The following OLIG2 variants were observed in gnomAD, a reference collection of about 807,000 sequenced individuals.
The protein encoded by OLIG2 is basic domain, helix-loop-helix protein, class B, 1.
OLIG2 carries 12 observed loss-of-function variants against 13.4 expected under a neutral mutation model. The ratio of observed to expected loss-of-function variants is 0.90; its 90% CI spans 0.58 to 1.46. The LOEUF is 1.46. Among genes scored for constraint, OLIG2 ranks in the 40% most tolerant of loss-of-function variants. The pLI is 0.00. For missense variants in OLIG2, 415 were observed against 487.9 expected (o/e 0.85, Z 1.41); for synonymous variants, 250 against 233.6 (o/e 1.07, Z -0.64).
rs751810483 is a variant in OLIG2, at chr21:33,026,957, G to C, written c.95G>C (p.Ser32Thr). 1 of 1,612,478 alleles carries C rather than the reference G, an allele frequency of 6.2e-7. No homozygotes were observed. Among genetic ancestry groups the C allele is most frequent in the Admixed American group, 1.7e-5 (1 of 59,976 alleles). The part of the protein sequence containing the change: ...LPARSKGSSG[S>T]AFTGGTVSSS... The stretch of plus-strand genomic sequence containing the variant: ...GCCCGGAGTAAGGGCAGCAGCGGCA[G>C]CGCCTTCACTGGGGGCACCGTGTCC... The change falls in exon 2 of 2, where the codon AGC becomes ACC. Residue 32 changes from serine to threonine, a missense_variant. Ser to Thr is a moderately conservative substitution (Grantham distance 58). Transcript: ENST00000382357. The surrounding 1 kb of genome is among the most constrained non-coding windows in gnomAD (Gnocchi z 6.6).
Position 33,027,459 on chromosome 21 carries a change from C to G in OLIG2, c.597C>G (p.Pro199=). ...CGGLAHSAPL[P]AATAHPAAAA... ...GCCTGGCGCACTCCGCGCCCCTGCCCGCCGCCACCGCGCACCCGGCAGCAG... is the reference window on the plus strand; with the variant it reads ...GCCTGGCGCACTCCGCGCCCCTGCCGGCCGCCACCGCGCACCCGGCAGCAG... The change falls in exon 2 of 2, where the codon CCC becomes CCG. Residue 199 remains proline (P), a synonymous_variant. Coordinates refer to ENST00000382357, the MANE Select transcript of OLIG2 (RefSeq NM_005806.4). 1 of 1,489,938 alleles carries G rather than the reference C, an allele frequency of 6.7e-7. No homozygotes were observed. Among genetic ancestry groups the G allele is most frequent in the Non-Finnish European group, 8.9e-7 (1 of 1,128,838 alleles). 92.3% of individuals were successfully genotyped at this position (1,489,938 alleles called of 1,614,324 possible). A position where few individuals can be genotyped will look rare whatever the true frequency, so the allele number is the denominator to read the frequency against.
Position 33,027,686 on chromosome 21 carries a change from G to C in OLIG2, c.824G>C (p.Gly275Ala). ...SAAAAAPLGG[G>A]GGGSGASGGF... ...GCCGCGGCCGCCCCGCTGGGGGGCG[G>C]GGGCGGCGGCAGTGGGGCGAGCGGG... Residue 275 changes from glycine to alanine, a missense_variant, in exon 2 of 2, where the codon GGG (glycine) becomes GCG (alanine). Gly to Ala is a moderately conservative substitution (Grantham distance 60). Transcript: ENST00000382357. 1 of 1,372,100 alleles carries C rather than the reference G, an allele frequency of 7.3e-7. No homozygotes were observed. The highest frequency in any genetic ancestry group is 3.1e-5 in the East Asian group (1 of 32,418). 85.0% of individuals were successfully genotyped at this position (1,372,100 alleles called of 1,614,324 possible). A position where few individuals can be genotyped will look rare whatever the true frequency, so the allele number is the denominator to read the frequency against.
rs1981210867 is a variant in OLIG2 at position 33,028,870 on chromosome 21, G to C, written c.*1036G>C. The C allele has an allele frequency of 1.2e-5, 3 of 242,530 alleles. No individual in the cohort carries two copies. The East Asian group carries it at 1.9e-4, about 15-fold the overall frequency. 15.0% of individuals were successfully genotyped at this position (242,530 alleles called of 1,614,324 possible). A position where few individuals can be genotyped will look rare whatever the true frequency, so the allele number is the denominator to read the frequency against. ...GTAAGTGCGCAATGCTAAGCTGTTTGCTCACGTGACTGCCAGCCCCATCGG... is the reference window on the plus strand; with the variant it reads ...GTAAGTGCGCAATGCTAAGCTGTTTCCTCACGTGACTGCCAGCCCCATCGG... On this transcript the variant is annotated 3_prime_UTR_variant, in exon 2 of 2. Transcript: ENST00000382357.
chr21:33,027,712 G>A lies in OLIG2; in HGVS notation c.850G>A (p.Gly284Ser). The A allele has an allele frequency of 2.2e-6, 3 of 1,367,648 alleles. No homozygotes were observed. Among genetic ancestry groups the A allele is most frequent in the Non-Finnish European group, 2.8e-6 (3 of 1,069,104 alleles). The allele number at this position is 1,367,648 out of a possible 1,614,324, so 84.7% of individuals were successfully genotyped here. A position where few individuals can be genotyped will look rare whatever the true frequency, so the allele number is the denominator to read the frequency against. ...GGGGGSGASG[G>S]FQHWGGMPCP... is the part of the protein sequence containing the mutation. Reference sequence around the variant, plus strand: ...GGGCGGCGGCAGTGGGGCGAGCGGGGGCTTCCAGCACTGGGGCGGCATGCC... The same window carrying A: ...GGGCGGCGGCAGTGGGGCGAGCGGGAGCTTCCAGCACTGGGGCGGCATGCC... Residue 284 changes from glycine (G) to serine (S), a missense_variant, in exon 2 of 2, where the codon GGC (glycine) becomes AGC (serine). By Grantham distance (56) the Gly-to-Ser change is moderately conservative. Transcript: ENST00000382357.
In OLIG2 at chr21:33,026,714, G is replaced by C; in HGVS notation, c.-62-87G>C. The C allele has an allele frequency of 1.9e-6, 2 of 1,054,794 alleles. No homozygotes were observed. The highest frequency in any genetic ancestry group is 2.7e-6 in the Non-Finnish European group (2 of 748,656). The allele number at this position is 1,054,794 out of a possible 1,614,324, so 65.3% of individuals were successfully genotyped here. A position where few individuals can be genotyped will look rare whatever the true frequency, so the allele number is the denominator to read the frequency against. On this transcript the variant is annotated intron_variant, in intron 1 of 1. Transcript: ENST00000382357. The surrounding 1 kb of genome is among the most constrained non-coding windows in gnomAD (Gnocchi z 6.6). ...TGGTACTGCGGTGCAGGCGGGAGCA[G>C]CTTTTCTGTCTCTCACTGACTCACT... is the stretch of plus-strand genomic sequence containing the variant.
rs966205996 is a variant in OLIG2 at position 33,027,768 on chromosome 21, G to C, written c.906G>C (p.Pro302=). Residue 302 remains proline (P), a synonymous_variant, in exon 2 of 2, where the codon CCG becomes CCC. Transcript: ENST00000382357. ...PCPCSMCQVP[P]PHHHVSAMGA... ...CCTGCAGCATGTGCCAGGTGCCGCCGCCGCACCACCACGTGTCGGCTATGG... is the reference window on the plus strand; with the variant it reads ...CCTGCAGCATGTGCCAGGTGCCGCCCCCGCACCACCACGTGTCGGCTATGG... The C allele has an allele frequency of 1.7e-5, 24 of 1,417,866 alleles. No individual in the cohort carries two copies. The highest frequency in any genetic ancestry group is 2.1e-5 in the Non-Finnish European group (23 of 1,091,584). The allele number at this position is 1,417,866 out of a possible 1,614,324, so 87.8% of individuals were successfully genotyped here.
Position 33,027,730 on chromosome 21 carries a change from G to A in OLIG2, c.868G>A (p.Gly290Ser). 2 of 1,369,536 alleles carry A rather than the reference G, an allele frequency of 1.5e-6. No individual in the cohort carries two copies. The highest frequency in any genetic ancestry group is 1.9e-6 in the Non-Finnish European group (2 of 1,068,902). The allele number at this position is 1,369,536 out of a possible 1,614,324, so 84.8% of individuals were successfully genotyped here. ...GASGGFQHWG[G>S]MPCPCSMCQV... ...GAGCGGGGGCTTCCAGCACTGGGGC[G>A]GCATGCCCTGCCCCTGCAGCATGTG... is the stretch of plus-strand genomic sequence containing the variant. Residue 290 changes from glycine (G) to serine (S), a missense_variant, in exon 2 of 2, where the codon GGC becomes AGC. This residue lies in a region of OLIG2 where 243 missense variants were observed against 241.2 expected (regional missense o/e 1.01). Coordinates refer to ENST00000382357, the MANE Select transcript of OLIG2 (RefSeq NM_005806.4).
Position 33,027,294 on chromosome 21 carries a change from C to G in OLIG2, c.432C>G (p.Arg144=). 4 of 1,605,704 alleles carry G rather than the reference C, an allele frequency of 2.5e-6. No homozygotes were observed. The highest frequency in any genetic ancestry group is 3.4e-6 in the Non-Finnish European group (4 of 1,176,500). Reference sequence around the variant, plus strand: ...CGTACGCACACGGCCCTTCGGTGCGCAAGCTTTCCAAGATCGCCACGCTGC... The same window carrying G: ...CGTACGCACACGGCCCTTCGGTGCGGAAGCTTTCCAAGATCGCCACGCTGC... ...VMPYAHGPSV[R]KLSKIATLLL... is the part of the protein sequence containing the mutation. The change falls in exon 2 of 2, where the codon CGC becomes CGG. Residue 144 remains arginine (R), a synonymous_variant. Transcript: ENST00000382357.
chr21:33,027,469 G>T lies in OLIG2; in HGVS notation c.607G>T (p.Ala203Ser). 1 of 1,482,128 alleles carries T rather than the reference G, an allele frequency of 6.7e-7. No individual in the cohort carries two copies. Among genetic ancestry groups the T allele is most frequent in the East Asian group, 2.7e-5 (1 of 37,168 alleles). 91.8% of individuals were successfully genotyped at this position (1,482,128 alleles called of 1,614,324 possible). A position where few individuals can be genotyped will look rare whatever the true frequency, so the allele number is the denominator to read the frequency against. ...CTCCGCGCCCCTGCCCGCCGCCACC[G>T]CGCACCCGGCAGCAGCAGCGCACGC... The part of the protein sequence containing the change: ...AHSAPLPAAT[A>S]HPAAAAHAAH... Residue 203 changes from alanine to serine, a missense_variant, in exon 2 of 2, where the codon GCG becomes TCG. Physicochemically the swap from Ala to Ser is moderately conservative, Grantham distance 99. Transcript: ENST00000382357.
In OLIG2 at chr21:33,027,475, C is replaced by A; in HGVS notation, c.613C>A (p.Pro205Thr). 6.8e-7 allele frequency: 1 copy of A among 1,478,260 alleles called. No individual in the cohort carries two copies. Among genetic ancestry groups the A allele is most frequent in the Non-Finnish European group, 8.9e-7 (1 of 1,124,814 alleles). 91.6% of individuals were successfully genotyped at this position (1,478,260 alleles called of 1,614,324 possible). A position where few individuals can be genotyped will look rare whatever the true frequency, so the allele number is the denominator to read the frequency against. ...SAPLPAATAH[P>T]AAAAHAAHHP... The stretch of plus-strand genomic sequence containing the variant: ...GCCCCTGCCCGCCGCCACCGCGCAC[C>A]CGGCAGCAGCAGCGCACGCCGCACA... Residue 205 changes from proline to threonine, a missense_variant, in exon 2 of 2, where the codon CCG becomes ACG. By Grantham distance (38) the Pro-to-Thr change is conservative. Transcript: ENST00000382357.
Position 33,029,032 on chromosome 21 carries a change from C to A in OLIG2, c.*1198C>A, listed in dbSNP as rs1981220413. 4.1e-6 allele frequency: 1 copy of A among 240,966 alleles called. No homozygotes were observed. The highest frequency in any genetic ancestry group is 2.2e-5 in the African/African-American group (1 of 44,930). 14.9% of individuals were successfully genotyped at this position (240,966 alleles called of 1,614,324 possible). ...CGTTGCAAACTGGGCTTTGTAGCGT[C>A]TGCCGTGTAACACCCTTCCTCTGAT... is the stretch of plus-strand genomic sequence containing the variant. On this transcript the variant is annotated 3_prime_UTR_variant, in exon 2 of 2. Transcript: ENST00000382357.
rs938757932 is a variant in OLIG2 at position 33,027,685 on chromosome 21, G to T, written c.823G>T (p.Gly275Trp). Reference sequence around the variant, plus strand: ...TGCCGCGGCCGCCCCGCTGGGGGGCGGGGGCGGCGGCAGTGGGGCGAGCGG... The same window carrying T: ...TGCCGCGGCCGCCCCGCTGGGGGGCTGGGGCGGCGGCAGTGGGGCGAGCGG... ...SAAAAAPLGG[G>W]GGGSGASGGF... The change falls in exon 2 of 2, where the codon GGG becomes TGG. Residue 275 changes from glycine (G) to tryptophan (W), a missense_variant. By Grantham distance (184) the Gly-to-Trp change is radical (BLOSUM62 -2). Around this residue, in one of 3 missense-constraint regions of OLIG2, gnomAD observed 243 missense variants for 241.2 expected, o/e 1.01. Transcript: ENST00000382357. 4 of 1,370,588 alleles carry T rather than the reference G, an allele frequency of 2.9e-6. No homozygotes were observed. Among genetic ancestry groups the T allele is most frequent in the Non-Finnish European group, 2.8e-6 (3 of 1,070,432 alleles). The allele number at this position is 1,370,588 out of a possible 1,614,324, so 84.9% of individuals were successfully genotyped here. A position where few individuals can be genotyped will look rare whatever the true frequency, so the allele number is the denominator to read the frequency against.
In OLIG2 at chr21:33,027,789, T is replaced by C. The variant is rs146665636; in HGVS notation, c.927T>C (p.Ala309=). 21,346 of 1,425,776 alleles carry C rather than the reference T, an allele frequency of 0.015. 2,347 individuals are homozygous for C. In the African/African-American group the frequency reaches 0.26, roughly 17 times the overall value. The allele number at this position is 1,425,776 out of a possible 1,614,324, so 88.3% of individuals were successfully genotyped here. A position where few individuals can be genotyped will look rare whatever the true frequency, so the allele number is the denominator to read the frequency against. Residue 309 remains alanine, a synonymous_variant, in exon 2 of 2, where the codon GCT becomes GCC. Coordinates refer to ENST00000382357, the MANE Select transcript of OLIG2 (RefSeq NM_005806.4). The stretch of plus-strand genomic sequence containing the variant: ...CGCCGCCGCACCACCACGTGTCGGC[T>C]ATGGGCGCCGGCAGCCTGCCGCGCC... ...QVPPPHHHVS[A]MGAGSLPRLT...
Position 33,026,733 on chromosome 21 carries a change from A to ACT in OLIG2, c.-62-66_-62-65dup. On this transcript the variant is annotated intron_variant, in intron 1 of 1. Transcript: ENST00000382357. The surrounding 1 kb of genome is among the most constrained non-coding windows in gnomAD (Gnocchi z 6.6). ...GGAGCAGCTTTTCTGTCTCTCACTG[A>ACT]CTCACTCTCTCTCTCTCTCCCTCTC... The ACT allele has an allele frequency of 1.7e-6, 2 of 1,149,616 alleles. No homozygotes were observed. Among genetic ancestry groups the ACT allele is most frequent in the Non-Finnish European group, 2.4e-6 (2 of 840,178 alleles). The allele number at this position is 1,149,616 out of a possible 1,614,324, so 71.2% of individuals were successfully genotyped here.
rs1022002365 is a variant in OLIG2 at position 33,026,675 on chromosome 21, G to T, written c.-62-126G>T. ...CGAGGAGCCACGGGCCACCTGTGCC[G>T]GGACCCCGCGCTGTGGTACTGCGGT... On this transcript the variant is annotated intron_variant, in intron 1 of 1. Coordinates refer to ENST00000382357, the MANE Select transcript of OLIG2 (RefSeq NM_005806.4). The surrounding 1 kb of genome is among the most constrained non-coding windows in gnomAD (Gnocchi z 6.6). 8.5e-6 allele frequency: 6 copies of T among 709,256 alleles called. No individual in the cohort carries two copies. Among genetic ancestry groups the T allele is most frequent in the Non-Finnish European group, 1.4e-5 (6 of 438,362 alleles). The allele number at this position is 709,256 out of a possible 1,614,324, so 43.9% of individuals were successfully genotyped here. A position where few individuals can be genotyped will look rare whatever the true frequency, so the allele number is the denominator to read the frequency against.
At position 33,026,411 on chromosome 21, in the gene OLIG2, G is replaced by T; in HGVS notation, c.-63+385G>T. ...AACCAAATCATTAGTTCTCTATCTA[G>T]ATCTCCATTCTCCCCAAAGAAAGGC... On this transcript the variant is annotated intron_variant, in intron 1 of 1. Transcript: ENST00000382357. This position sits in a 1 kb window ranked among gnomAD's most constrained non-coding sequence, Gnocchi z 6.6. 1 of 181,460 alleles carries T rather than the reference G, an allele frequency of 5.5e-6. No homozygotes were observed. Among genetic ancestry groups the T allele is most frequent in the Non-Finnish European group, 1.2e-5 (1 of 84,756 alleles). 11.2% of individuals were successfully genotyped at this position (181,460 alleles called of 1,614,324 possible).
chr21:33,027,667 G>A lies in OLIG2; in HGVS notation c.805G>A (p.Ala269Thr). 1.4e-6 allele frequency: 2 copies of A among 1,391,750 alleles called. No individual in the cohort carries two copies. The highest frequency in any genetic ancestry group is 1.8e-6 in the Non-Finnish European group (2 of 1,081,170). The allele number at this position is 1,391,750 out of a possible 1,614,324, so 86.2% of individuals were successfully genotyped here. Residue 269 changes from alanine to threonine, a missense_variant, in exon 2 of 2, where the codon GCC becomes ACC. By Grantham distance (58) the Ala-to-Thr change is moderately conservative (BLOSUM62 0). Coordinates refer to ENST00000382357, the MANE Select transcript of OLIG2 (RefSeq NM_005806.4). ...ACTCAAGTCTCCGTCTGCTGCCGCG[G>A]CCGCCCCGCTGGGGGGCGGGGGCGG... is the stretch of plus-strand genomic sequence containing the variant. ...GLLKSPSAAA[A>T]APLGGGGGGS...
chr21:33,026,942 A>T lies in OLIG2; in HGVS notation c.80A>T (p.Lys27Met). 24 of 1,612,470 alleles carry T rather than the reference A, an allele frequency of 1.5e-5. No homozygotes were observed. The highest frequency in any genetic ancestry group is 1.9e-5 in the Non-Finnish European group (23 of 1,179,904). ...GACCTTTTTCTGCCGGCCCGGAGTA[A>T]GGGCAGCAGCGGCAGCGCCTTCACT... is the stretch of plus-strand genomic sequence containing the variant. ...PDDLFLPARS[K>M]GSSGSAFTGG... The change falls in exon 2 of 2, where the codon AAG becomes ATG. Residue 27 changes from lysine (K) to methionine (M), a missense_variant. By Grantham distance (95) the Lys-to-Met change is moderately conservative (BLOSUM62 -1). Around this residue, in one of 3 missense-constraint regions of OLIG2, gnomAD observed 122 missense variants for 126.8 expected, o/e 0.96. Coordinates refer to ENST00000382357, the MANE Select transcript of OLIG2 (RefSeq NM_005806.4). The surrounding 1 kb of genome is among the most constrained non-coding windows in gnomAD (Gnocchi z 6.6).
At position 33,028,822 on chromosome 21, in the gene OLIG2, T is replaced by A. The variant is rs767874603; in HGVS notation, c.*988T>A. 5 of 242,940 alleles carry A rather than the reference T, an allele frequency of 2.1e-5. No individual in the cohort carries two copies. The East Asian group carries it at 3.1e-4, about 15-fold the overall frequency. 15.0% of individuals were successfully genotyped at this position (242,940 alleles called of 1,614,324 possible). A position where few individuals can be genotyped will look rare whatever the true frequency, so the allele number is the denominator to read the frequency against. ...GCTTTTTAAAATTTTCTTTTTTGGATGTGTAAATTTATCAATGATGAGGTA... is the reference window on the plus strand; with the variant it reads ...GCTTTTTAAAATTTTCTTTTTTGGAAGTGTAAATTTATCAATGATGAGGTA... On this transcript the variant is annotated 3_prime_UTR_variant, in exon 2 of 2. Coordinates refer to ENST00000382357, the MANE Select transcript of OLIG2 (RefSeq NM_005806.4).
Sources: allele counts gnomAD v4.1 joint callset, GRCh38; gene constraint gnomAD v4.1.1; regional missense constraint gnomAD v4.1.1; non-coding constraint Gnocchi (gnomAD v3.1); transcripts MANE v1.5; gene names NCBI Gene and HGNC (gene_info 2026-07-23, HGNC 2026-07-21).